THSD7A: variants seen among roughly 807,000 people sequenced by gnomAD.
The protein encoded by THSD7A is thrombospondin type 1 domain containing 7A.
In THSD7A, 96 loss-of-function variants were observed where a neutral mutation model predicts 231.3. The ratio of observed to expected loss-of-function variants is 0.41; its 90% CI spans 0.35 to 0.49. The LOEUF (loss-of-function observed/expected upper bound fraction) is 0.49, where lower values mean the gene tolerates loss of function less well. Ranked by LOEUF, THSD7A falls within the 20% of genes least tolerant of loss-of-function variation. The pLI is 0.05. For synonymous variants in THSD7A, 940 were observed against 743.3 expected, an observed-to-expected ratio of 1.26 and a Z score of -4.30; for missense variants, 2,290 against 2,070.2, an observed-to-expected ratio of 1.11 and a Z score of -2.06.
At chr7:11,387,500 T>C (rs4351330) in intron 23 of THSD7A, among the ~76,000 whole-genome samples, 47,574 of 151,908 alleles carry the variant, frequency 0.31, 7,939 homozygotes, top group Non-Finnish European at 0.38. Context: ...CACTCATAAT[T>C]TGGCTGTTTT....
chr7:11,666,477 G>A (rs1407057044), intron 1 of THSD7A, among the ~76,000 whole-genome samples: 1 of 151,928 alleles, frequency 6.6e-6, no homozygotes, highest in Admixed American at 6.6e-5. Context: ...TTGGATTAGG[G>A]ATGCTCCACC....
chr7:11,554,107 T>C (rs33), intron 4 of THSD7A, among the ~76,000 whole-genome samples: 124,077 of 151,984 alleles, frequency 0.82, 51,118 homozygotes, highest in African/African-American at 0.91. Flanking sequence ...AGAATATTGA[T>C]ATTATTACAA....
chr7:11,532,995 G>A (rs1788766682), intron 6 of THSD7A, among the ~76,000 whole-genome samples: 1 of 152,094 alleles, frequency 6.6e-6, no homozygotes, highest in African/African-American at 2.4e-5. Flanking sequence ...CAGCTAGACA[G>A]GGCTTTTAAG....
intron 7 of THSD7A, among the ~76,000 whole-genome samples, chr7:11,480,871 T>C (rs574842549): frequency 3.3e-4 from 50 of 152,204 alleles, no homozygotes; most frequent in Middle Eastern, 3.4e-3. Context: ...GGGGAAAACA[T>C]AAAATGTTAT....
At chr7:11,726,004 A>T (rs1781532994) in intron 1 of THSD7A, among the ~76,000 whole-genome samples, 1 of 152,130 alleles carries the variant, frequency 6.6e-6, no homozygotes, top group African/African-American at 2.4e-5. Context: ...CACTAATTTG[A>T]ATTGTTCTTT....
intron 1 of THSD7A, among the ~76,000 whole-genome samples, chr7:11,672,613 G>A (rs1414585924): frequency 1.3e-5 from 2 of 151,998 alleles, no homozygotes; most frequent in Non-Finnish European, 1.5e-5. Context: ...TCATCTTGAT[G>A]TTACTTTTAA....
At chr7:11,630,448 T>A (rs941343864) in intron 2 of THSD7A, among the ~76,000 whole-genome samples, 2 of 152,196 alleles carry the variant, frequency 1.3e-5, no homozygotes, top group Non-Finnish European at 2.9e-5. Context: ...TACTCCAAGA[T>A]GTTAATATTT....
rs368693539 is a variant in THSD7A at position 11,832,139 on chromosome 7, T to C, written c.-193A>G. On this transcript the variant is annotated 5_prime_UTR_variant, in exon 1 of 28. Coordinates refer to ENST00000423059, the MANE Select transcript of THSD7A (RefSeq NM_015204.3). ...CGTCCGCGGTGGTGGCCGTGGCCGC[T>C]GCCGCCGCCGCCGCCGCCTCTGGCG... 10 of 332,470 alleles carry C rather than the reference T, an allele frequency of 3.0e-5. No individual in the cohort carries two copies. Among genetic ancestry groups the C allele is most frequent in the East Asian group, 1.5e-4 (3 of 19,660 alleles). The allele number at this position is 332,470 out of a possible 1,614,324, so 20.6% of individuals were successfully genotyped here. A position where few individuals can be genotyped will look rare whatever the true frequency, so the allele number is the denominator to read the frequency against.
At chr7:11,556,197 C>T (rs969588420) in intron 4 of THSD7A, among the ~76,000 whole-genome samples, 1 of 151,468 alleles carries the variant, frequency 6.6e-6, no homozygotes, top group Non-Finnish European at 1.5e-5. Context: ...GATTTATCTA[C>T]AGTGTTTTTG....
At chr7:11,466,897 A>G (rs139947438) in intron 9 of THSD7A, among the ~76,000 whole-genome samples, 1 of 152,140 alleles carries the variant, frequency 6.6e-6, no homozygotes, top group Non-Finnish European at 1.5e-5. Context: ...CAACCCAACT[A>G]AACCCATTAT....
intron 4 of THSD7A, among the ~76,000 whole-genome samples, chr7:11,570,612 C>G (rs1206805881): frequency 6.6e-6 from 1 of 152,174 alleles, no homozygotes; most frequent in Non-Finnish European, 1.5e-5. Context: ...TAAATACACT[C>G]AATTATTATG....
At chr7:11,578,583 T>G (rs774046891) in intron 4 of THSD7A, among the ~76,000 whole-genome samples, 2 of 152,172 alleles carry the variant, frequency 1.3e-5, no homozygotes, top group African/African-American at 4.8e-5. Context: ...TCTTGGGAAG[T>G]TGGCATGAAT....
At chr7:11,419,610 G>C (rs1272351473) in intron 16 of THSD7A, among the ~76,000 whole-genome samples, 1 of 152,174 alleles carries the variant, frequency 6.6e-6, no homozygotes, top group Non-Finnish European at 1.5e-5. Flanking sequence ...AAGAAGTGTA[G>C]CATTGCTATA....
At chr7:11,709,481 A>G (rs1780880206) in intron 1 of THSD7A, among the ~76,000 whole-genome samples, 1 of 150,800 alleles carries the variant, frequency 6.6e-6, no homozygotes, top group Admixed American at 6.6e-5. Flanking sequence ...CTTATGAATC[A>G]GGTTTGCTTC....
At chr7:11,381,638 C>T (rs1362509086) in intron 24 of THSD7A, among the ~76,000 whole-genome samples, 1 of 152,160 alleles carries the variant, frequency 6.6e-6, no homozygotes, top group Non-Finnish European at 1.5e-5. Context: ...GTCAAGACTC[C>T]TGCTGTTGCT....
chr7:11,431,281 A>T (rs922830154), intron 13 of THSD7A, among the ~76,000 whole-genome samples: 1 of 152,200 alleles, frequency 6.6e-6, no homozygotes, highest in East Asian at 1.9e-4. Context: ...ACCAAAGTCA[A>T]GGTCATCTAG....
intron 17 of THSD7A, among the ~76,000 whole-genome samples, chr7:11,414,482 T>C (rs1239569224): frequency 6.6e-6 from 1 of 152,234 alleles, no homozygotes; most frequent in Non-Finnish European, 1.5e-5. Context: ...TCCCTTTCCA[T>C]TCCCTAGAAG....
Position 11,474,974 on chromosome 7 carries a change from A to T in THSD7A, c.2018-406T>A, listed in dbSNP as rs929198365. On this transcript the variant is annotated intron_variant, in intron 7 of 27. Coordinates refer to ENST00000423059, the MANE Select transcript of THSD7A (RefSeq NM_015204.3). This position sits in a 1 kb window ranked among gnomAD's most constrained non-coding sequence, Gnocchi z 4.1. ...AATTTTGAAGGAGTAGGATTTCAATAAGCAGAATTCTGGGAAGGGACAGAA... is the reference window on the plus strand; with the variant it reads ...AATTTTGAAGGAGTAGGATTTCAATTAGCAGAATTCTGGGAAGGGACAGAA... 6.6e-6 allele frequency among the ~76,000 whole-genome samples: 1 copy of T among 152,182 alleles called. No homozygotes were observed. Among genetic ancestry groups the T allele is most frequent in the South Asian group, 2.1e-4 (1 of 4,828 alleles).
chr7:11,383,218 A>G (rs1782594437), intron 23 of THSD7A, among the ~76,000 whole-genome samples: 1 of 152,000 alleles, frequency 6.6e-6, no homozygotes. Flanking sequence ...TTAAAAATGT[A>G]TCCTATTCTG....
Sources: allele counts gnomAD v4.1 joint callset (sites outside exome capture counted in the v4.1 genomes callset), GRCh38; gene constraint gnomAD v4.1.1; non-coding constraint Gnocchi (gnomAD v3.1); transcripts MANE v1.5; gene names NCBI Gene and HGNC (gene_info 2026-07-23, HGNC 2026-07-21).